TYW1: variants seen among roughly 807,000 people sequenced by gnomAD.
TYW1 encodes tRNA-yW synthesizing protein 1 homolog.
Under a neutral mutation model 96.2 loss-of-function variants are expected in TYW1, and 46 were observed. The ratio of observed to expected loss-of-function variants is 0.48; its 90% CI spans 0.38 to 0.61. TYW1 has a LOEUF of 0.61. Ranked by LOEUF, TYW1 falls within the 20% of genes least tolerant of loss-of-function variation. The pLI is 0.00. For missense variants in TYW1, 684 were observed against 909.6 expected, an observed-to-expected ratio of 0.75 and a Z score of 3.19; for synonymous variants, 274 against 323.0, an observed-to-expected ratio of 0.85 and a Z score of 1.63.
chr7:67,165,888 C>T (rs1799306928), intron 13 of TYW1, among the ~76,000 whole-genome samples: 1 of 152,084 alleles, frequency 6.6e-6, no homozygotes, highest in African/African-American at 2.4e-5. Context: ...CAAGATCGTG[C>T]CACTGCACTC....
chr7:67,073,396 T>G (rs1216261488), intron 10 of TYW1, among the ~76,000 whole-genome samples: 1 of 152,192 alleles, frequency 6.6e-6, no homozygotes, highest in Admixed American at 6.5e-5. Flanking sequence ...GCAGTTGTGC[T>G]GAGGTTGAAA....
At chr7:67,171,021 A>G (rs922254127) in intron 13 of TYW1, among the ~76,000 whole-genome samples, 2 of 152,168 alleles carry the variant, frequency 1.3e-5, no homozygotes, top group African/African-American at 4.8e-5. Flanking sequence ...CAATGAAGCC[A>G]TCTGCTCTTA....
intron 15 of TYW1, among the ~76,000 whole-genome samples, chr7:67,234,366 AGG>A (rs1372579180): frequency 2.2e-4 from 33 of 149,576 alleles, no homozygotes; most frequent in African/African-American, 7.4e-4. Flanking sequence ...AAAAAAAAAA[AGG>A]AAGAAGAGAC....
chr7:67,209,603 T>C (rs933440955), intron 15 of TYW1, among the ~76,000 whole-genome samples: 2 of 152,084 alleles, frequency 1.3e-5, no homozygotes, highest in African/African-American at 4.8e-5. Context: ...GACAGAGTCT[T>C]ACTCTGTCAC....
chr7:67,158,549 G>A (rs1799058357), intron 13 of TYW1, among the ~76,000 whole-genome samples: 1 of 151,996 alleles, frequency 6.6e-6, no homozygotes, highest in South Asian at 2.1e-4. Context: ...AATCCCAGCT[G>A]GTCAGCAGGT....
intron 15 of TYW1, among the ~76,000 whole-genome samples, chr7:67,234,990 T>C (rs1295340953): frequency 2.0e-5 from 3 of 152,062 alleles, no homozygotes; most frequent in Admixed American, 2.0e-4. Flanking sequence ...ATTGTATTGC[T>C]CAAACTAATC....
chr7:67,237,703 G>T (rs957987465), intron 15 of TYW1, among the ~76,000 whole-genome samples: 1 of 151,600 alleles, frequency 6.6e-6, no homozygotes. Flanking sequence ...TTATTCCACC[G>T]TGACTTTTGA....
chr7:67,076,775 CTT>C (rs543408648), intron 10 of TYW1, among the ~76,000 whole-genome samples: 58 of 123,508 alleles, frequency 4.7e-4, no homozygotes, highest in Admixed American at 9.5e-4. Context: ...TGCACTCAGC[CTT>C]TTTTTTTTTT....
At chr7:67,082,908 G>A (rs1187999566) in intron 10 of TYW1, among the ~76,000 whole-genome samples, 2 of 152,106 alleles carry the variant, frequency 1.3e-5, no homozygotes, top group Non-Finnish European at 2.9e-5. Context: ...TCCCAGGGCA[G>A]GATACACTCT....
At chr7:67,002,037 C>CG (rs779949860) in intron 3 of TYW1, among the ~76,000 whole-genome samples, 2 of 131,134 alleles carry the variant, frequency 1.5e-5, no homozygotes, top group African/African-American at 2.8e-5. Context: ...CTGTCTCAAA[C>CG]AAAAAAAAAA....
intron 10 of TYW1, among the ~76,000 whole-genome samples, chr7:67,077,952 A>T (rs1314616179): frequency 2.0e-5 from 3 of 151,736 alleles, no homozygotes; most frequent in Non-Finnish European, 4.4e-5. Flanking sequence ...TGACCTTGGC[A>T]CCTTAGTCAA....
chr7:67,164,625 A>T (rs1256230777), intron 13 of TYW1, among the ~76,000 whole-genome samples: 2 of 150,364 alleles, frequency 1.3e-5, no homozygotes, highest in Admixed American at 6.7e-5. Context: ...AAAAAAAAAA[A>T]GTTACCCCTT....
chr7:67,107,159 G>A (rs1284840387), intron 12 of TYW1, among the ~76,000 whole-genome samples: 1 of 152,204 alleles, frequency 6.6e-6, no homozygotes, highest in Non-Finnish European at 1.5e-5. Context: ...TCTTGTATGT[G>A]TTAGCTCAGA....
At chr7:67,154,110 GATGGGGTTTCACC>G (rs1798892207) in intron 13 of TYW1, among the ~76,000 whole-genome samples, 1 of 151,860 alleles carries the variant, frequency 6.6e-6, no homozygotes, top group African/African-American at 2.4e-5. Flanking sequence ...TTTTAGTAGA[GATGGGGTTTCACC>G]ATGTTAGCCA....
chr7:67,112,089 A>AC (rs1393692699), intron 12 of TYW1, among the ~76,000 whole-genome samples: 1 of 124,784 alleles, frequency 8.0e-6, no homozygotes, highest in Non-Finnish European at 1.6e-5. Flanking sequence ...ACAGAGCGAG[A>AC]CTCTGTCTGA....
Position 67,055,869 on chromosome 7 carries a change from G to A in TYW1, c.1137G>A (p.Lys379=). Residue 379 remains lysine (K), a synonymous_variant, in exon 9 of 16, where the codon AAG becomes AAA. Transcript: ENST00000359626. The part of the protein sequence containing the change: ...YQLIGSHSGV[K]LCRWTKSMLR... ...TGATTGGGAGCCACTCGGGGGTGAA[G>A]CTTTGCAGGTGGACAAAGGTATTTT... 6.2e-7 allele frequency: 1 copy of A among 1,612,702 alleles called. No individual in the cohort carries two copies. The highest frequency in any genetic ancestry group is 1.1e-5 in the South Asian group (1 of 90,866).
intron 3 of TYW1, among the ~76,000 whole-genome samples, chr7:67,008,877 G>C (rs1008422978): frequency 3.3e-5 from 5 of 152,158 alleles, no homozygotes; most frequent in African/African-American, 1.2e-4. Flanking sequence ...GGTCAGGCTG[G>C]TCTCGCATTC....
Position 67,104,142 on chromosome 7 carries a change from C to T in TYW1, c.1562+5424C>T, listed in dbSNP as rs1389418723. On this transcript the variant is annotated intron_variant, in intron 12 of 15. Transcript: ENST00000359626. ...TCAGGCTAGTGGCTTTTTCAGGGTA[C>T]TAAACCTTTCCCTAAAAGGGTTTCA... Among the ~76,000 whole-genome samples the T allele has an allele frequency of 2.6e-5, 4 of 152,226 alleles. No individual in the cohort carries two copies. In the East Asian group the frequency reaches 5.8e-4, roughly 22 times the overall value.
intron 10 of TYW1, among the ~76,000 whole-genome samples, chr7:67,082,788 ATATGGTTG>A (rs1181058432): frequency 2.0e-5 from 3 of 151,732 alleles, no homozygotes; most frequent in Admixed American, 6.6e-5. Flanking sequence ...AGGTGCTTGG[ATATGGTTG>A]TACTGCTAGG....
Sources: allele counts gnomAD v4.1 joint callset (sites outside exome capture counted in the v4.1 genomes callset), GRCh38; gene constraint gnomAD v4.1.1; transcripts MANE v1.5; gene names NCBI Gene and HGNC (gene_info 2026-07-23, HGNC 2026-07-21).